The following ZNF512 variants were observed in gnomAD, a reference collection of about 807,000 sequenced individuals.
ZNF512 encodes the protein zinc finger protein 512.
A neutral mutation model predicts 77.5 loss-of-function variants in ZNF512; 25 were observed. That is an observed-to-expected ratio of 0.32 (90% CI 0.23 to 0.45). ZNF512 has a LOEUF of 0.45. Among genes scored for constraint, ZNF512 ranks in the 20% least tolerant of loss-of-function variants. The pLI is 1.00. For missense variants in ZNF512, 483 were observed against 692.6 expected (o/e 0.70, Z 3.40); for synonymous variants, 246 against 239.9 (o/e 1.03, Z -0.24).
intron 11 of ZNF512, among the ~76,000 whole-genome samples, chr2:27,615,971 A>C (rs1672863233): frequency 6.6e-6 from 1 of 152,238 alleles, no homozygotes; most frequent in South Asian, 2.1e-4. Flanking sequence ...AGATTTTAAA[A>C]AAAACTATAT....
chr2:27,596,801 A>T (rs1671891082), intron 2 of ZNF512, among the ~76,000 whole-genome samples: 1 of 152,224 alleles, frequency 6.6e-6, no homozygotes, highest in African/African-American at 2.4e-5. Flanking sequence ...ACATACTGAC[A>T]TAACCAGTCT....
At chr2:27,616,498 C>T (rs1257187948) in intron 12 of ZNF512, among the ~76,000 whole-genome samples, 174 bp downstream of exon 12, 3 of 152,154 alleles carry the variant, frequency 2.0e-5, no homozygotes, top group Admixed American at 6.5e-5. Context: ...GATGCCAGGG[C>T]ATGTCCAAGA....
intron 10 of ZNF512, among the ~76,000 whole-genome samples, chr2:27,609,406 T>A (rs1490862898): frequency 6.6e-6 from 1 of 152,162 alleles, no homozygotes; most frequent in East Asian, 1.9e-4. Context: ...CAGGTTTCAG[T>A]ACGCATAGGA....
rs749942027 is a variant in ZNF512 at position 27,607,863 on chromosome 2, T to C, written c.955T>C (p.Ser319Pro). Residue 319 changes from serine (S) to proline (P), a missense_variant, in exon 10 of 14, where the codon TCA becomes CCA. Transcript: ENST00000355467. ...EHGPISFFPE[S>P]GQPECLKEMN... The stretch of plus-strand genomic sequence containing the variant: ...CTTGCAGATATCCTTCTTTCCAGAG[T>C]CAGGACAGCCAGAGTGCTTAAAGGA... 4.3e-6 allele frequency: 7 copies of C among 1,613,834 alleles called. No homozygotes were observed. In the Admixed American group the frequency reaches 1.2e-4, roughly 27 times the overall value.
intron 9 of ZNF512, among the ~76,000 whole-genome samples, chr2:27,603,666 A>T (rs1672233641): frequency 6.9e-6 from 1 of 145,568 alleles, no homozygotes; most frequent in Non-Finnish European, 1.5e-5. Flanking sequence ...ATCATAGCTC[A>T]CTGCAGCCTC....
chr2:27,615,073 G>A (rs577010589), intron 10 of ZNF512, 95 bp from the exon 11 acceptor site: 2 of 730,424 alleles, frequency 2.7e-6, no homozygotes, highest in Non-Finnish European at 4.6e-6. Flanking sequence ...ATAGATTTCA[G>A]AATTATATAA....
intron 10 of ZNF512, among the ~76,000 whole-genome samples, chr2:27,611,282 A>G (rs1672650469): frequency 6.6e-6 from 1 of 152,014 alleles, no homozygotes; most frequent in East Asian, 1.9e-4. Flanking sequence ...GTCTCTTCCA[A>G]TCTGTTATAG....
intron 10 of ZNF512, among the ~76,000 whole-genome samples, chr2:27,611,576 A>G (rs916494480): frequency 2.0e-5 from 3 of 152,186 alleles, no homozygotes; most frequent in Non-Finnish European, 4.4e-5. Flanking sequence ...TGGCAAAACT[A>G]TAATCTTCCC....
At chr2:27,603,383 A>G (rs1181304967) in intron 9 of ZNF512, 76 bp downstream of exon 9, 2 of 1,487,020 alleles carry the variant, frequency 1.3e-6, no homozygotes, top group Admixed American at 1.8e-5. Flanking sequence ...ATCTTCCCAT[A>G]TGTGTTTGGT....
At chr2:27,594,866 C>T (rs563336124) in intron 2 of ZNF512, among the ~76,000 whole-genome samples, 24 of 152,308 alleles carry the variant, frequency 1.6e-4, no homozygotes, top group African/African-American at 5.8e-4. Context: ...AGCAAGACTC[C>T]GTCTGCAATC....
intron 3 of ZNF512, among the ~76,000 whole-genome samples, chr2:27,598,600 G>T (rs1671975297): frequency 6.7e-6 from 1 of 150,304 alleles, no homozygotes; most frequent in Non-Finnish European, 1.5e-5. Flanking sequence ...TTGCACTGTA[G>T]CCTGGGCGAA....
At position 27,602,639 on chromosome 2, in the gene ZNF512, C is replaced by T. The variant is rs1672172759; in HGVS notation, c.768+78C>T. On this transcript the variant is annotated intron_variant, in intron 8 of 13. Transcript: ENST00000355467. ...TTTCGTTCTTCTTTCCATTTCTTCT[C>T]TTCCTCATTGTAGACTTCCTAGTTC... 6 of 1,279,992 alleles carry T rather than the reference C, an allele frequency of 4.7e-6. No homozygotes were observed. In the East Asian group the frequency reaches 1.2e-4, roughly 26 times the overall value. The allele number at this position is 1,279,992 out of a possible 1,614,324, so 79.3% of individuals were successfully genotyped here. A position where few individuals can be genotyped will look rare whatever the true frequency, so the allele number is the denominator to read the frequency against.
intron 13 of ZNF512, among the ~76,000 whole-genome samples, chr2:27,618,743 G>C (rs1673001305): frequency 6.6e-6 from 1 of 152,202 alleles, no homozygotes; most frequent in Admixed American, 6.5e-5. Context: ...TTAAAGTTCA[G>C]AAGGTCAAGG....
In ZNF512 at chr2:27,607,850, C is replaced by T. The variant is rs761782254; in HGVS notation, c.942C>T (p.Ser314=). 1.2e-6 allele frequency: 2 copies of T among 1,613,874 alleles called. No homozygotes were observed. The highest frequency in any genetic ancestry group is 1.3e-5 in the African/African-American group (1 of 74,882). The change falls in exon 10 of 14, where the codon TCC becomes TCT. Residue 314 remains serine, a synonymous_variant. Transcript: ENST00000355467. ...GCTGTGTCTCATTCTTGCAGATATC[C>T]TTCTTTCCAGAGTCAGGACAGCCAG... ...YHLRSEHGPI[S]FFPESGQPEC...
intron 10 of ZNF512, among the ~76,000 whole-genome samples, chr2:27,614,130 A>G (rs1572934057): frequency 6.6e-6 from 1 of 151,936 alleles, no homozygotes; most frequent in Admixed American, 6.5e-5. Context: ...CATTACCTTT[A>G]TGGGCTTTGG....
At position 27,583,140 on chromosome 2, in the gene ZNF512, GC is replaced by G; in HGVS notation, c.30del (p.Thr11LeufsTer27). 1 of 1,614,172 alleles carries G rather than the reference GC, an allele frequency of 6.2e-7. No individual in the cohort carries two copies. The highest frequency in any genetic ancestry group is 2.2e-5 in the East Asian group (1 of 44,876). On this transcript the variant is annotated frameshift_variant and splice_region_variant, in exon 1 of 14. Transcript: ENST00000355467. LOFTEE classifies it high-confidence loss of function. MSSRLGAVPATSGPTTFKQQ... is the reference protein window; with the variant it reads MSSRLGAVPXTSGPTTFKQQ... ...GTCTTCCAGACTCGGTGCTGTACCC[GC>G]CGTGAGTTTCTTGGTTTGACCGTTA...
At chr2:27,614,112 A>C (rs951389534) in intron 10 of ZNF512, among the ~76,000 whole-genome samples, 2 of 152,004 alleles carry the variant, frequency 1.3e-5, no homozygotes, top group Non-Finnish European at 2.9e-5. Context: ...TACCTTCCTT[A>C]CTTCCTCCAT....
chr2:27,592,694 T>TG (rs1165514187), intron 2 of ZNF512, among the ~76,000 whole-genome samples: 10 of 110,416 alleles, frequency 9.1e-5, no homozygotes, highest in African/African-American at 3.1e-4. Flanking sequence ...TTTTTTTTTT[T>TG]TTTGTTTGAG....
At chr2:27,602,800 C>T (rs1020856335) in intron 8 of ZNF512, among the ~76,000 whole-genome samples, 2 of 151,942 alleles carry the variant, frequency 1.3e-5, no homozygotes, top group Non-Finnish European at 2.9e-5. Context: ...GAAGAGGATC[C>T]CAGTGACCCC....
Sources: gnomAD v4.1 joint callset for allele counts (sites outside exome capture counted in the v4.1 genomes callset) on GRCh38, gnomAD v4.1.1 for gene constraint, MANE v1.5 for transcripts, NCBI Gene and HGNC (gene_info 2026-07-23, HGNC 2026-07-21) for gene names.